The following SH3GLB1 variants were observed in gnomAD, a reference collection of about 807,000 sequenced individuals.
SH3GLB1 encodes the protein SH3 domain containing GRB2 like, endophilin B1.
In SH3GLB1, 17 loss-of-function variants were observed where a neutral mutation model predicts 42.0. The ratio of observed to expected loss-of-function variants is 0.40; its 90% CI spans 0.28 to 0.61. The LOEUF is 0.61. Among genes scored for constraint, SH3GLB1 ranks in the 20% least tolerant of loss-of-function variants. The probability of loss-of-function intolerance (pLI) is 0.36; values close to 1 mark genes in which losing one functional copy is unlikely to be tolerated. For missense variants in SH3GLB1, 355 were observed against 426.3 expected (o/e 0.83, Z 1.47); for synonymous variants, 132 against 146.6 (o/e 0.90, Z 0.72).
chr1:86,722,791 C>T, intron 4 of SH3GLB1, 118 bp downstream of exon 4: 1 of 791,680 alleles, frequency 1.3e-6, no homozygotes, highest in African/African-American at 1.8e-5. Flanking sequence ...ATTAAATAAT[C>T]TAGGTCAGTG....
At chr1:86,718,254 C>T (rs566917450) in intron 2 of SH3GLB1, among the ~76,000 whole-genome samples, 39 of 152,020 alleles carry the variant, frequency 2.6e-4, no homozygotes, top group African/African-American at 9.4e-4. Flanking sequence ...CCATGTCAGC[C>T]AGGCTGGTCT....
At position 86,743,269 on chromosome 1, in the gene SH3GLB1, C is replaced by T; in HGVS notation, c.*34C>T. The stretch of plus-strand genomic sequence containing the variant: ...ACTATGGAAAGGTTGCCCATCATGA[C>T]TTTGTATTTATATACAATTAACTCT... On this transcript the variant is annotated 3_prime_UTR_variant, in exon 9 of 9. Transcript: ENST00000370558. 2.8e-6 allele frequency: 4 copies of T among 1,454,030 alleles called. No individual in the cohort carries two copies. Among genetic ancestry groups the T allele is most frequent in the Non-Finnish European group, 3.8e-6 (4 of 1,060,946 alleles). 90.1% of individuals were successfully genotyped at this position (1,454,030 alleles called of 1,614,324 possible).
Position 86,747,119 on chromosome 1 carries a change from T to C in SH3GLB1, c.*3884T>C, listed in dbSNP as rs1005721475. ...CTTAATTGTGTTCTAGCAGTAGTCA[T>C]TGTAATTATAGTTATTTTTATAATT... On this transcript the variant is annotated 3_prime_UTR_variant, in exon 9 of 9. Coordinates refer to ENST00000370558, the MANE Select transcript of SH3GLB1 (RefSeq NM_016009.5). 6.6e-6 allele frequency: 1 copy of C among 152,666 alleles called. No individual in the cohort carries two copies. The highest frequency in any genetic ancestry group is 1.5e-5 in the Non-Finnish European group (1 of 68,042). The allele number at this position is 152,666 out of a possible 1,614,324, so 9.5% of individuals were successfully genotyped here.
At position 86,747,835 on chromosome 1, in the gene SH3GLB1, T is replaced by G. The variant is rs1656373913; in HGVS notation, c.*4600T>G. ...CAAAGGACACTTTTTAAAGAATTGT[T>G]AATGCTTTTTTATAATACAAGTCAT... On this transcript the variant is annotated 3_prime_UTR_variant, in exon 9 of 9. Coordinates refer to ENST00000370558, the MANE Select transcript of SH3GLB1 (RefSeq NM_016009.5). The G allele has an allele frequency of 6.6e-6, 1 of 152,250 alleles. No homozygotes were observed. 9.4% of individuals were successfully genotyped at this position (152,250 alleles called of 1,614,324 possible).
intron 2 of SH3GLB1, 119 bp from the exon 3 acceptor site, chr1:86,719,388 T>C (rs192921940): frequency 2.8e-4 from 163 of 575,476 alleles, no homozygotes; most frequent in African/African-American, 2.8e-3. Flanking sequence ...TATTAAGATA[T>C]GTGCTTGAAT....
At chr1:86,717,343 C>T (rs1279117854) in intron 2 of SH3GLB1, among the ~76,000 whole-genome samples, 2 of 152,074 alleles carry the variant, frequency 1.3e-5, no homozygotes, top group African/African-American at 2.4e-5. Context: ...ATACAATTTC[C>T]TCCTGCCCCT....
chr1:86,717,706 G>A (rs1213516083), intron 2 of SH3GLB1, among the ~76,000 whole-genome samples: 1 of 152,146 alleles, frequency 6.6e-6, no homozygotes, highest in Non-Finnish European at 1.5e-5. Flanking sequence ...ACACGTGTGA[G>A]CCACCATGCC....
At chr1:86,710,618 CTT>C (rs1316161628) in intron 1 of SH3GLB1, among the ~76,000 whole-genome samples, 1 of 152,188 alleles carries the variant, frequency 6.6e-6, no homozygotes, top group Admixed American at 6.5e-5. Context: ...ATCCTAAACT[CTT>C]AACCACACCC....
At chr1:86,712,050 C>T (rs916905425) in intron 1 of SH3GLB1, among the ~76,000 whole-genome samples, 7 of 151,968 alleles carry the variant, frequency 4.6e-5, no homozygotes, top group Non-Finnish European at 8.8e-5. Flanking sequence ...ATGGAAAAAT[C>T]CTTTTGCTTC....
At position 86,744,492 on chromosome 1, in the gene SH3GLB1, GT is replaced by G. The variant is rs1656206899; in HGVS notation, c.*1258del. On this transcript the variant is annotated 3_prime_UTR_variant, in exon 9 of 9. Coordinates refer to ENST00000370558, the MANE Select transcript of SH3GLB1 (RefSeq NM_016009.5). ...TGTGATGGGGAAAATACAAGGTACT[GT>G]ATTTGGGAGTCATGTAACTCCAGTT... 6.6e-6 allele frequency: 1 copy of G among 152,158 alleles called. No homozygotes were observed. Among genetic ancestry groups the G allele is most frequent in the East Asian group, 1.9e-4 (1 of 5,196 alleles). The allele number at this position is 152,158 out of a possible 1,614,324, so 9.4% of individuals were successfully genotyped here. A position where few individuals can be genotyped will look rare whatever the true frequency, so the allele number is the denominator to read the frequency against.
Position 86,746,548 on chromosome 1 carries a change from C to T in SH3GLB1, c.*3313C>T, listed in dbSNP as rs1200699120. On this transcript the variant is annotated 3_prime_UTR_variant, in exon 9 of 9. Transcript: ENST00000370558. ...GAGAGAGTTCCACAACCACCCCTGC[C>T]CTTTCTCCCATATTACGCTCATTAG... 6.6e-6 allele frequency: 1 copy of T among 152,210 alleles called. No individual in the cohort carries two copies. The allele number at this position is 152,210 out of a possible 1,614,324, so 9.4% of individuals were successfully genotyped here.
Position 86,742,444 on chromosome 1 carries a change from T to C in SH3GLB1, c.990+8T>C, listed in dbSNP as rs375185775. The C allele has an allele frequency of 6.2e-7, 1 of 1,606,366 alleles. No individual in the cohort carries two copies. On this transcript the variant is annotated splice_region_variant and intron_variant, in intron 8 of 8. Coordinates refer to ENST00000370558, the MANE Select transcript of SH3GLB1 (RefSeq NM_016009.5). Reference sequence around the variant, plus strand: ...TCACTTCTGGCAGATGAGGTGAGTATTGTGGGTATGAGAAGGAAAATATAT... The same window carrying C: ...TCACTTCTGGCAGATGAGGTGAGTACTGTGGGTATGAGAAGGAAAATATAT...
Position 86,743,291 on chromosome 1 carries a change from C to G in SH3GLB1, c.*56C>G. On this transcript the variant is annotated 3_prime_UTR_variant, in exon 9 of 9. Transcript: ENST00000370558. ...TGACTTTGTATTTATATACAATTAA[C>G]TCTAAATAAAGCAGGTTAAGTATCT... 2.5e-6 allele frequency: 3 copies of G among 1,205,366 alleles called. No homozygotes were observed. Among genetic ancestry groups the G allele is most frequent in the Non-Finnish European group, 3.5e-6 (3 of 860,622 alleles). The allele number at this position is 1,205,366 out of a possible 1,614,324, so 74.7% of individuals were successfully genotyped here. A position where few individuals can be genotyped will look rare whatever the true frequency, so the allele number is the denominator to read the frequency against.
chr1:86,713,499 TGCTAATGA>T (rs1377594508), intron 1 of SH3GLB1, among the ~76,000 whole-genome samples: 1 of 152,222 alleles, frequency 6.6e-6, no homozygotes, highest in Non-Finnish European at 1.5e-5. Flanking sequence ...GTGAGGGTGA[TGCTAATGA>T]GCTTAAAGAA....
Position 86,724,979 on chromosome 1 carries a change from A to T in SH3GLB1, c.570+574A>T, listed in dbSNP as rs561537131. 1.3e-3 allele frequency among the ~76,000 whole-genome samples: 182 copies of T among 145,300 alleles called. 1 individual carries two copies. Among genetic ancestry groups the T allele is most frequent in the African/African-American group, 4.5e-3 (175 of 39,106 alleles). On this transcript the variant is annotated intron_variant, in intron 5 of 8. Transcript: ENST00000370558. ...ATAATACATATGTGTATATATATAA[A>T]ATATATATATGTGTGTATATACACA...
At chr1:86,707,295 TA>T (rs1236983537) in intron 1 of SH3GLB1, among the ~76,000 whole-genome samples, 2 of 152,142 alleles carry the variant, frequency 1.3e-5, no homozygotes, top group Non-Finnish European at 2.9e-5. Flanking sequence ...TTTTTTGGAA[TA>T]AAAGTATTTC....
At position 86,709,443 on chromosome 1, in the gene SH3GLB1, C is replaced by T. The variant is rs541016021; in HGVS notation, c.72+4472C>T. On this transcript the variant is annotated intron_variant, in intron 1 of 8. Coordinates refer to ENST00000370558, the MANE Select transcript of SH3GLB1 (RefSeq NM_016009.5). The stretch of plus-strand genomic sequence containing the variant: ...AATTGAGTACCTCCTAGGTGCTTGG[C>T]GTTGAAAGATACAAAGCTGAATGAG... 1.7e-3 allele frequency among the ~76,000 whole-genome samples: 265 copies of T among 152,234 alleles called. 1 individual carries two copies. The highest frequency in any genetic ancestry group is 3.2e-3 in the Non-Finnish European group (221 of 68,000).
rs1213167321 is a variant in SH3GLB1, at chr1:86,722,691, C to A, written c.477+18C>A. The A allele has an allele frequency of 2.5e-6, 4 of 1,572,008 alleles. No homozygotes were observed. The South Asian group carries it at 4.8e-5, about 19-fold the overall frequency. Reference sequence around the variant, plus strand: ...CAATTGCTGTGAGTTGAAAAATGTCCCCTTTATTTAGTAAAATCATTTAGA... The same window carrying A: ...CAATTGCTGTGAGTTGAAAAATGTCACCTTTATTTAGTAAAATCATTTAGA... On this transcript the variant is annotated intron_variant, in intron 4 of 8. Coordinates refer to ENST00000370558, the MANE Select transcript of SH3GLB1 (RefSeq NM_016009.5).
chr1:86,735,915 G>A (rs543618403), intron 7 of SH3GLB1, among the ~76,000 whole-genome samples: 174 of 152,324 alleles, frequency 1.1e-3, no homozygotes, highest in Non-Finnish European at 1.9e-3. Context: ...AAAAGCAGAA[G>A]GTGCCTGGTA....
Sources: allele counts gnomAD v4.1 joint callset (sites outside exome capture counted in the v4.1 genomes callset), GRCh38; gene constraint gnomAD v4.1.1; transcripts MANE v1.5; gene names NCBI Gene and HGNC (gene_info 2026-07-23, HGNC 2026-07-21).